Variants in CADM2 observed in about 807,000 individuals in gnomAD.
CADM2 encodes the protein cell adhesion molecule 2.
CADM2 carries 12 observed loss-of-function variants against 49.8 expected under a neutral mutation model. That is an observed-to-expected ratio of 0.24 (90% confidence interval 0.15 to 0.39). CADM2 has a LOEUF of 0.39. Ranked by LOEUF, CADM2 falls within the 10% of genes least tolerant of loss-of-function variation. The pLI is 1.00. For synonymous variants in CADM2, 214 were observed against 175.4 expected (o/e 1.22, Z -1.74); for missense variants, 378 against 492.3 (o/e 0.77, Z 2.20).
intron 1 of CADM2, among the ~76,000 whole-genome samples, chr3:85,418,378 G>A (rs1325108418): frequency 6.6e-6 from 1 of 151,958 alleles, no homozygotes; most frequent in Non-Finnish European, 1.5e-5. Context: ...ACTTGGTGGG[G>A]CTAAGAGATG....
chr3:85,822,519 G>C (rs748402308), intron 3 of CADM2, among the ~76,000 whole-genome samples: 15 of 152,038 alleles, frequency 9.9e-5, no homozygotes, highest in Admixed American at 3.9e-4. Flanking sequence ...GGGGGGCGAA[G>C]GTTGCAATGA....
intron 1 of CADM2, among the ~76,000 whole-genome samples, chr3:85,156,359 A>C (rs1234577885): frequency 6.6e-6 from 1 of 152,120 alleles, no homozygotes; most frequent in African/African-American, 2.4e-5. Context: ...TACACAAATA[A>C]ACTAGAAAAT....
chr3:85,103,595 A>G (rs1284723676), intron 1 of CADM2, among the ~76,000 whole-genome samples: 1 of 152,224 alleles, frequency 6.6e-6, no homozygotes, highest in African/African-American at 2.4e-5. Flanking sequence ...ATGGGAGTTC[A>G]GAAGAAAATG....
At chr3:85,455,308 T>C (rs931907007) in intron 1 of CADM2, among the ~76,000 whole-genome samples, 2 of 152,222 alleles carry the variant, frequency 1.3e-5, no homozygotes, top group African/African-American at 4.8e-5. Context: ...TGTCGCTAAT[T>C]GCACTAATTA....
chr3:85,634,410 G>A lies in CADM2; in HGVS notation c.62-92112G>A, dbSNP rs190378624. ...ATTTTTTAATTTTAAATATTTTTGAGCTTATTTTCTTTTTGTACCTCCTTG... is the reference window on the plus strand; with the variant it reads ...ATTTTTTAATTTTAAATATTTTTGAACTTATTTTCTTTTTGTACCTCCTTG... On this transcript the variant is annotated intron_variant, in intron 1 of 9. Coordinates refer to ENST00000383699, the MANE Select transcript of CADM2 (RefSeq NM_001167675.2). Among the ~76,000 whole-genome samples the A allele has an allele frequency of 1.7e-3, 257 of 151,964 alleles. 2 individuals are homozygous for A. The highest frequency in any genetic ancestry group is 5.9e-3 in the African/African-American group (243 of 41,492).
chr3:85,372,424 T>A (rs2033310613), intron 1 of CADM2, among the ~76,000 whole-genome samples: 1 of 130,508 alleles, frequency 7.7e-6, no homozygotes, highest in South Asian at 2.6e-4. Flanking sequence ...TGTATATATG[T>A]GTGTATATAT....
intron 1 of CADM2, among the ~76,000 whole-genome samples, chr3:85,723,254 A>G (rs2107773309): frequency 6.6e-6 from 1 of 152,304 alleles, no homozygotes; most frequent in South Asian, 2.1e-4. Context: ...TATTATAAAG[A>G]CAAAAAATGG....
intron 1 of CADM2, among the ~76,000 whole-genome samples, chr3:85,013,680 T>G (rs2034103075): frequency 6.6e-6 from 1 of 151,084 alleles, no homozygotes; most frequent in Non-Finnish European, 1.5e-5. Context: ...AGCTATGTAT[T>G]GTTACCTGTT....
chr3:85,695,098 C>T (rs2066509801), intron 1 of CADM2, among the ~76,000 whole-genome samples: 1 of 152,020 alleles, frequency 6.6e-6, no homozygotes, highest in Admixed American at 6.6e-5. Flanking sequence ...CACCATGATC[C>T]ACTCCCAAGA....
intron 1 of CADM2, among the ~76,000 whole-genome samples, chr3:85,004,040 G>A (rs919726845): frequency 5.9e-5 from 9 of 152,102 alleles, no homozygotes; most frequent in African/African-American, 1.9e-4. Context: ...AACTTTTTAA[G>A]AGGCTGTTGA....
intron 8 of CADM2, among the ~76,000 whole-genome samples, chr3:86,020,718 CAG>C (rs1447857417): frequency 2.0e-5 from 3 of 152,092 alleles, no homozygotes; most frequent in Non-Finnish European, 4.4e-5. Flanking sequence ...AGCATATAAA[CAG>C]AGCCAAAGAC....
chr3:85,492,692 T>C (rs140445389), intron 1 of CADM2, among the ~76,000 whole-genome samples: 1 of 152,354 alleles, frequency 6.6e-6, no homozygotes, highest in East Asian at 1.9e-4. Context: ...TATTGTAGTA[T>C]AGCAAAGATA....
intron 1 of CADM2, among the ~76,000 whole-genome samples, chr3:85,380,987 T>C (rs9819830): frequency 0.26 from 38,773 of 151,934 alleles, 5,121 homozygotes; most frequent in South Asian, 0.34. Context: ...CAACTACGAA[T>C]GATATTTTAG....
chr3:85,018,194 C>A (rs1664000119), intron 1 of CADM2, among the ~76,000 whole-genome samples: 1 of 152,082 alleles, frequency 6.6e-6, no homozygotes, highest in African/African-American at 2.4e-5. Context: ...AATGGAAGAA[C>A]ATAGAGTTTC....
chr3:85,185,598 T>C (rs2041042314), intron 1 of CADM2, among the ~76,000 whole-genome samples: 1 of 152,124 alleles, frequency 6.6e-6, no homozygotes, highest in Non-Finnish European at 1.5e-5. Context: ...CCACCATGTC[T>C]ACTTCACACA....
intron 1 of CADM2, among the ~76,000 whole-genome samples, chr3:85,423,422 C>T (rs1294279778): frequency 1.3e-5 from 2 of 152,104 alleles, no homozygotes; most frequent in Non-Finnish European, 2.9e-5. Context: ...CCTTCTGCCT[C>T]CTGTCTGTAT....
At position 86,009,499 on chromosome 3, in the gene CADM2, A is replaced by G. The variant is rs530180081; in HGVS notation, c.970+47852A>G. On this transcript the variant is annotated intron_variant, in intron 8 of 9. Transcript: ENST00000383699. ...CTCTACTTCAGATAGGATACTTTTA[A>G]ATGAAGCGATGAAATCGTATTTTGT... Among the ~76,000 whole-genome samples, 20 of 151,672 alleles carry G rather than the reference A, an allele frequency of 1.3e-4. 1 individual carries two copies. The highest frequency in any genetic ancestry group is 1.3e-3 in the Admixed American group (20 of 15,242).
intron 8 of CADM2, among the ~76,000 whole-genome samples, chr3:85,977,022 G>T (rs1726870515): frequency 6.6e-6 from 1 of 151,100 alleles, no homozygotes; most frequent in Admixed American, 6.6e-5. Context: ...CCTAGTACTT[G>T]AAAATATATA....
chr3:85,109,820 CAT>C (rs973804854), intron 1 of CADM2, among the ~76,000 whole-genome samples: 2 of 151,940 alleles, frequency 1.3e-5, no homozygotes, highest in African/African-American at 2.4e-5. Flanking sequence ...AATCAACTAA[CAT>C]AGCACATTTT....
Sources: gnomAD v4.1 joint callset for allele counts (sites outside exome capture counted in the v4.1 genomes callset) on GRCh38, gnomAD v4.1.1 for gene constraint, MANE v1.5 for transcripts, NCBI Gene and HGNC (gene_info 2026-07-23, HGNC 2026-07-21) for gene names.